Variants in RICTOR observed in about 807,000 individuals in gnomAD.
RICTOR encodes the protein rapamycin-insensitive companion of mTOR.
A neutral mutation model predicts 214.9 loss-of-function variants in RICTOR; 49 were observed. The observed-to-expected ratio is 0.23, with a 90% confidence interval of 0.18 to 0.29. The LOEUF (loss-of-function observed/expected upper bound fraction) is 0.29. Among genes scored for constraint, RICTOR ranks in the 10% least tolerant of loss-of-function variants. The probability of loss-of-function intolerance (pLI) is 1.00; values close to 1 mark genes in which losing one functional copy is unlikely to be tolerated. For synonymous variants in RICTOR, 717 were observed against 711.3 expected (o/e 1.01, Z -0.13); for missense variants, 1,625 against 2,047.0 (o/e 0.79, Z 3.98).
intron 7 of RICTOR, among the ~76,000 whole-genome samples, chr5:38,990,645 TCA>T (rs1441962958): frequency 1.4e-5 from 2 of 140,096 alleles, no homozygotes; most frequent in Non-Finnish European, 3.1e-5. Flanking sequence ...CTGACATATA[TCA>T]GATATATGAT....
At chr5:39,052,622 AT>A (rs1192677465) in intron 2 of RICTOR, among the ~76,000 whole-genome samples, 1 of 152,218 alleles carries the variant, frequency 6.6e-6, no homozygotes, top group Non-Finnish European at 1.5e-5. Flanking sequence ...TGCAGTTTAT[AT>A]TTTATGTATG....
chr5:39,015,169 G>A (rs1032766763), intron 3 of RICTOR, among the ~76,000 whole-genome samples: 1 of 151,984 alleles, frequency 6.6e-6, no homozygotes, highest in South Asian at 2.1e-4. Context: ...ACACAGAAGA[G>A]GGTAGCAAAC....
chr5:39,010,249 T>C lies in RICTOR; in HGVS notation c.196-6627A>G, dbSNP rs1754400681. On this transcript the variant is annotated intron_variant, in intron 3 of 37. Transcript: ENST00000357387. Reference sequence around the variant, plus strand: ...GCACTCATTTTCCCTCCTGCTGCCATGTGAAGAAGGATGTGTTTGATTCCC... The same window carrying C: ...GCACTCATTTTCCCTCCTGCTGCCACGTGAAGAAGGATGTGTTTGATTCCC... Among the ~76,000 whole-genome samples the C allele has an allele frequency of 2.6e-5, 4 of 152,178 alleles. No homozygotes were observed. The South Asian group carries it at 6.2e-4, about 24-fold the overall frequency.
At chr5:38,980,386 A>T (rs1751610948) in intron 8 of RICTOR, among the ~76,000 whole-genome samples, 1 of 152,184 alleles carries the variant, frequency 6.6e-6, no homozygotes, top group Non-Finnish European at 1.5e-5. Context: ...TCTGCTAGAC[A>T]GGTAGATTAA....
intron 3 of RICTOR, among the ~76,000 whole-genome samples, chr5:39,006,784 A>AGAGGG (rs1463448203): frequency 2.9e-5 from 1 of 35,034 alleles, no homozygotes; most frequent in Non-Finnish European, 5.3e-5. Context: ...AGAGGAGGGG[A>AGAGGG]GGGGAGGGGG....
intron 16 of RICTOR, 150 bp from the exon 17 acceptor site, chr5:38,963,191 A>G (rs139132758): frequency 1.8e-6 from 1 of 544,118 alleles, no homozygotes. Flanking sequence ...AGAGACAAAT[A>G]CAAAAAATAA....
At chr5:39,039,603 G>T (rs1013575933) in intron 2 of RICTOR, among the ~76,000 whole-genome samples, 1 of 151,962 alleles carries the variant, frequency 6.6e-6, no homozygotes. Context: ...CTACAATGAA[G>T]TCAAACAAAT....
chr5:39,001,769 T>A (rs1308708153), intron 5 of RICTOR, among the ~76,000 whole-genome samples: 1 of 152,086 alleles, frequency 6.6e-6, no homozygotes, highest in Non-Finnish European at 1.5e-5. Context: ...GTGCCTAACA[T>A]CATCACTCAC....
intron 31 of RICTOR, 32 bp from the exon 32 acceptor site, chr5:38,947,473 G>A (rs762623582): frequency 3.1e-5 from 46 of 1,483,508 alleles, no homozygotes; most frequent in Non-Finnish European, 4.2e-5. Flanking sequence ...ACTTGCATTA[G>A]TTTCTTGATC....
rs1252069526 is a variant in RICTOR at position 38,941,423 on chromosome 5, C to T, written c.*881G>A. ...AGGAGATCCAAAGTATTATTTAATGCTTTCCTATCCTTTAGGTCTAAACTA... is the reference window on the plus strand; with the variant it reads ...AGGAGATCCAAAGTATTATTTAATGTTTTCCTATCCTTTAGGTCTAAACTA... On this transcript the variant is annotated 3_prime_UTR_variant, in exon 38 of 38. Coordinates refer to ENST00000357387, the MANE Select transcript of RICTOR (RefSeq NM_152756.5). 8.6e-6 allele frequency: 2 copies of T among 231,648 alleles called. No homozygotes were observed. Among genetic ancestry groups the T allele is most frequent in the Non-Finnish European group, 1.7e-5 (2 of 116,954 alleles). 14.3% of individuals were successfully genotyped at this position (231,648 alleles called of 1,614,324 possible).
chr5:38,960,993 C>T (rs1749748768), intron 19 of RICTOR, among the ~76,000 whole-genome samples: 1 of 152,046 alleles, frequency 6.6e-6, no homozygotes, highest in African/African-American at 2.4e-5. Context: ...AATTAAACCT[C>T]TTTCCTTTAT....
chr5:38,959,058 C>G, intron 22 of RICTOR, 137 bp downstream of exon 22: 1 of 723,536 alleles, frequency 1.4e-6, no homozygotes, highest in Non-Finnish European at 2.1e-6. Flanking sequence ...TATGCAGTTC[C>G]TTGGAGAAAC....
chr5:38,985,300 A>G (rs1197808369), intron 7 of RICTOR, among the ~76,000 whole-genome samples: 1 of 152,194 alleles, frequency 6.6e-6, no homozygotes, highest in Admixed American at 6.5e-5. Context: ...CCTCTAGATT[A>G]CTTACAATAC....
Position 38,957,747 on chromosome 5 carries a change from G to C in RICTOR, c.2421-17C>G, listed in dbSNP as rs200934585. Reference sequence around the variant, plus strand: ...GAGAGAAATCTGCAAATTAAAACAAGCAATAGTTTAACATTGAGTCTGGCA... The same window carrying C: ...GAGAGAAATCTGCAAATTAAAACAACCAATAGTTTAACATTGAGTCTGGCA... On this transcript the variant is annotated splice_polypyrimidine_tract_variant and intron_variant, in intron 24 of 37. Transcript: ENST00000357387. 98 of 1,428,718 alleles carry C rather than the reference G, an allele frequency of 6.9e-5. No homozygotes were observed. The highest frequency in any genetic ancestry group is 9.4e-5 in the Non-Finnish European group (96 of 1,024,290). 88.5% of individuals were successfully genotyped at this position (1,428,718 alleles called of 1,614,324 possible).
Position 38,941,513 on chromosome 5 carries a change from T to C in RICTOR, c.*791A>G, listed in dbSNP as rs184950890. 2.4e-3 allele frequency: 565 copies of C among 231,482 alleles called. 13 individuals carry two copies. The Admixed American group carries it at 0.029, about 12-fold the overall frequency. The allele number at this position is 231,482 out of a possible 1,614,324, so 14.3% of individuals were successfully genotyped here. On this transcript the variant is annotated 3_prime_UTR_variant, in exon 38 of 38. Coordinates refer to ENST00000357387, the MANE Select transcript of RICTOR (RefSeq NM_152756.5). ...GAAAGTTGATGAAAGTGGAAGTCCA[T>C]TGCAAATATATGCATTCTATAAATG...
intron 3 of RICTOR, 151 bp downstream of exon 3, chr5:39,020,888 C>A: frequency 1.7e-6 from 1 of 588,032 alleles, no homozygotes; most frequent in Non-Finnish European, 3.1e-6. Flanking sequence ...TTTTAAGATA[C>A]ACTGGACAAA....
chr5:38,942,630 A>C (rs979225517), intron 37 of RICTOR, among the ~76,000 whole-genome samples: 36 of 151,472 alleles, frequency 2.4e-4, no homozygotes, highest in South Asian at 2.1e-4. Flanking sequence ...AAAAAAAAAA[A>C]AAAACTGTGT....
chr5:38,962,690 G>T (rs944732202), intron 17 of RICTOR, 104 bp from the exon 18 acceptor site: 1 of 800,782 alleles, frequency 1.2e-6, no homozygotes, highest in Non-Finnish European at 2.0e-6. Flanking sequence ...TCCATTTAAG[G>T]ATAGATCAAG....
At chr5:39,016,650 G>C (rs1482409780) in intron 3 of RICTOR, among the ~76,000 whole-genome samples, 1 of 151,936 alleles carries the variant, frequency 6.6e-6, no homozygotes, top group Admixed American at 6.6e-5. Context: ...AATGAGAAGG[G>C]AGAATAAGAG....
Sources: allele counts gnomAD v4.1 joint callset (sites outside exome capture counted in the v4.1 genomes callset), GRCh38; gene constraint gnomAD v4.1.1; transcripts MANE v1.5; gene names NCBI Gene and HGNC (gene_info 2026-07-23, HGNC 2026-07-21).